ANKS1B: variants seen among roughly 807,000 people sequenced by gnomAD.
The protein encoded by ANKS1B is ankyrin repeat and sterile alpha motif domain containing 1B, also known as ankyrin repeat and sterile alpha motif domain-containing protein 1B.
A neutral mutation model predicts 148.3 loss-of-function variants in ANKS1B; 36 were observed. That is an observed-to-expected ratio of 0.24 (90% CI 0.19 to 0.32). The LOEUF is 0.32. Ranked by LOEUF, ANKS1B falls within the 10% of genes least tolerant of loss-of-function variation. ANKS1B has a pLI of 1.00. For synonymous variants in ANKS1B, 542 were observed against 560.8 expected, an observed-to-expected ratio of 0.97 and a Z score of 0.47; for missense variants, 1,157 against 1,542.6, an observed-to-expected ratio of 0.75 and a Z score of 4.19.
chr12:99,767,893 A>G (rs2062806599), intron 8 of ANKS1B, among the ~76,000 whole-genome samples: 1 of 152,176 alleles, frequency 6.6e-6, no homozygotes, highest in Non-Finnish European at 1.5e-5. Flanking sequence ...AAAAGTGTTC[A>G]AACTACCATA....
intron 17 of ANKS1B, among the ~76,000 whole-genome samples, chr12:99,031,444 G>T (rs771620542): frequency 1.5e-4 from 23 of 152,230 alleles, no homozygotes; most frequent in Admixed American, 3.3e-4. Context: ...GTTTTCTCCT[G>T]CAGAGCCTGG....
At chr12:99,067,256 G>A (rs2044661190) in intron 16 of ANKS1B, among the ~76,000 whole-genome samples, 1 of 152,220 alleles carries the variant, frequency 6.6e-6, no homozygotes, top group Non-Finnish European at 1.5e-5. Context: ...GGCACCAGCA[G>A]TTGGCAATGA....
At chr12:99,040,277 T>C (rs948514401) in intron 17 of ANKS1B, among the ~76,000 whole-genome samples, 13 of 148,430 alleles carry the variant, frequency 8.8e-5, no homozygotes, top group African/African-American at 2.0e-4. Context: ...TGCGTGTGCG[T>C]GTGTGTGTGT....
intron 15 of ANKS1B, among the ~76,000 whole-genome samples, chr12:99,119,217 A>C (rs1205729845): frequency 6.6e-6 from 1 of 152,146 alleles, no homozygotes; most frequent in Non-Finnish European, 1.5e-5. Context: ...ACAAAAGAGG[A>C]GGAGGCATTG....
intron 8 of ANKS1B, among the ~76,000 whole-genome samples, chr12:99,772,545 C>T (rs1409652985): frequency 6.6e-6 from 1 of 152,028 alleles, no homozygotes; most frequent in Non-Finnish European, 1.5e-5. Flanking sequence ...TGGCTCTGCT[C>T]TGTTAGTCTG....
intron 25 of ANKS1B, among the ~76,000 whole-genome samples, chr12:98,763,606 G>A (rs1270994128): frequency 6.6e-6 from 1 of 152,078 alleles, no homozygotes; most frequent in Non-Finnish European, 1.5e-5. Flanking sequence ...TTCCACTGTT[G>A]GGATATGGCT....
At chr12:99,098,764 C>A (rs926059717) in intron 15 of ANKS1B, among the ~76,000 whole-genome samples, 37 of 148,042 alleles carry the variant, frequency 2.5e-4, no homozygotes, top group African/African-American at 8.7e-4. Context: ...CAGGGTTCCC[C>A]CCCCCACCCC....
chr12:99,191,939 C>CGAG (rs2080773890), intron 14 of ANKS1B, among the ~76,000 whole-genome samples: 1 of 151,992 alleles, frequency 6.6e-6, no homozygotes. Context: ...TGAGACCAGC[C>CGAG]TTACCAACAT....
chr12:99,291,584 A>C (rs553650118), intron 12 of ANKS1B, among the ~76,000 whole-genome samples: 26 of 152,228 alleles, frequency 1.7e-4, no homozygotes, highest in African/African-American at 6.0e-4. Context: ...CCAGAAATAA[A>C]TTCACACATG....
intron 1 of ANKS1B, among the ~76,000 whole-genome samples, chr12:99,897,526 A>C (rs547357829): frequency 1.3e-5 from 2 of 151,302 alleles, no homozygotes; most frequent in South Asian, 2.1e-4. Context: ...AGATTGGTGT[A>C]AACTATTCCA....
chr12:99,278,674 T>A (rs1288391360), intron 12 of ANKS1B, among the ~76,000 whole-genome samples: 1 of 152,282 alleles, frequency 6.6e-6, no homozygotes, highest in Admixed American at 6.5e-5. Context: ...AGGATTGTAA[T>A]CTTCTGTGTA....
At chr12:99,311,306 G>T (rs2083135178) in intron 12 of ANKS1B, among the ~76,000 whole-genome samples, 1 of 152,158 alleles carries the variant, frequency 6.6e-6, no homozygotes, top group South Asian at 2.1e-4. Flanking sequence ...TACAGAAAAA[G>T]AAAGAAACAA....
intron 9 of ANKS1B, among the ~76,000 whole-genome samples, chr12:99,555,350 T>C (rs760913899): frequency 2.0e-5 from 3 of 152,168 alleles, no homozygotes; most frequent in Non-Finnish European, 4.4e-5. Flanking sequence ...GTGGAGACTA[T>C]ATGGTTTTCT....
At chr12:99,658,598 C>T (rs1293020436) in intron 8 of ANKS1B, among the ~76,000 whole-genome samples, 1 of 152,042 alleles carries the variant, frequency 6.6e-6, no homozygotes, top group East Asian at 1.9e-4. Context: ...TTAACTCAAA[C>T]AGATATATGT....
intron 14 of ANKS1B, among the ~76,000 whole-genome samples, chr12:99,218,262 T>C (rs1030645223): frequency 1.3e-5 from 2 of 152,222 alleles, no homozygotes; most frequent in African/African-American, 4.8e-5. Flanking sequence ...TTGATTGACA[T>C]TTCTCCCTAA....
chr12:98,856,212 T>C (rs1192783162), intron 17 of ANKS1B, among the ~76,000 whole-genome samples: 1 of 152,228 alleles, frequency 6.6e-6, no homozygotes, highest in Non-Finnish European at 1.5e-5. Flanking sequence ...CATTTTATGA[T>C]GTATATACAG....
chr12:99,650,331 C>T (rs2098410742), intron 9 of ANKS1B, among the ~76,000 whole-genome samples: 1 of 152,186 alleles, frequency 6.6e-6, no homozygotes, highest in Non-Finnish European at 1.5e-5. Flanking sequence ...AGGTTTGAAT[C>T]ACAGCATTGC....
chr12:99,345,804 G>A (rs1014957409), intron 12 of ANKS1B, among the ~76,000 whole-genome samples: 3 of 151,908 alleles, frequency 2.0e-5, no homozygotes, highest in Non-Finnish European at 2.9e-5. Flanking sequence ...CATCACCTGC[G>A]GAGCTGAGCC....
At chr12:99,534,689 T>C (rs987016441) in intron 9 of ANKS1B, among the ~76,000 whole-genome samples, 1 of 149,804 alleles carries the variant, frequency 6.7e-6, no homozygotes, top group Non-Finnish European at 1.5e-5. Flanking sequence ...TTTAGGAAAC[T>C]TTTTTTTTCT....
Sources: gnomAD v4.1 joint callset for allele counts (sites outside exome capture counted in the v4.1 genomes callset) on GRCh38, gnomAD v4.1.1 for gene constraint, MANE v1.5 for transcripts, NCBI Gene and HGNC (gene_info 2026-07-23, HGNC 2026-07-21) for gene names.